GULP1: variants seen among roughly 807,000 people sequenced by gnomAD.
The protein encoded by GULP1 is GULP PTB domain containing engulfment adaptor 1.
Under a neutral mutation model 40.9 loss-of-function variants are expected in GULP1, and 19 were observed. The observed-to-expected ratio is 0.46, with a 90% CI of 0.32 to 0.68. GULP1 has a LOEUF of 0.68. GULP1 is among the 30% of genes least tolerant of loss of function. The probability of loss-of-function intolerance (pLI) is 0.03; values close to 1 mark genes in which losing one functional copy is unlikely to be tolerated. For missense variants in GULP1, 312 were observed against 362.2 expected (o/e 0.86, Z 1.12); for synonymous variants, 119 against 117.6 (o/e 1.01, Z -0.08).
intron 7 of GULP1, among the ~76,000 whole-genome samples, chr2:188,556,465 G>GT (rs1311746786): frequency 1.3e-5 from 2 of 151,520 alleles, no homozygotes; most frequent in Admixed American, 6.6e-5. Flanking sequence ...TCTTTTTATT[G>GT]TTTTTCAGAT....
chr2:188,410,606 A>G (rs2053739387), intron 2 of GULP1, among the ~76,000 whole-genome samples: 1 of 152,190 alleles, frequency 6.6e-6, no homozygotes, highest in African/African-American at 2.4e-5. Flanking sequence ...TTTCCTCATG[A>G]CTAATCATGA....
intron 7 of GULP1, among the ~76,000 whole-genome samples, chr2:188,558,912 G>A (rs766822267): frequency 6.6e-6 from 1 of 152,144 alleles, no homozygotes; most frequent in Non-Finnish European, 1.5e-5. Flanking sequence ...CATTCAAGAA[G>A]TGACTTGGGT....
chr2:188,297,432 T>C, intron 1 of GULP1: 1 of 455,244 alleles, frequency 2.2e-6, no homozygotes, highest in Non-Finnish European at 4.5e-6. Context: ...TGTAGTGTTT[T>C]CCTGGTATGG....
chr2:188,401,031 G>GT (rs1201305499), intron 2 of GULP1, among the ~76,000 whole-genome samples: 2 of 151,726 alleles, frequency 1.3e-5, no homozygotes, highest in Non-Finnish European at 2.9e-5. Flanking sequence ...TTTGGTTGCT[G>GT]TGAGACTTCC....
chr2:188,514,452 A>AAAAAAT (rs1162020347), intron 4 of GULP1, among the ~76,000 whole-genome samples: 2 of 152,274 alleles, frequency 1.3e-5, no homozygotes, highest in African/African-American at 4.8e-5. Flanking sequence ...TATTGTACAG[A>AAAAAAT]AAAAATAAAT....
intron 1 of GULP1, among the ~76,000 whole-genome samples, chr2:188,354,415 C>G (rs1354084587): frequency 6.6e-6 from 1 of 152,148 alleles, no homozygotes; most frequent in African/African-American, 2.4e-5. Flanking sequence ...CAACCAAATT[C>G]CCTTGGTCTG....
chr2:188,498,048 T>C (rs1005605573), intron 4 of GULP1, among the ~76,000 whole-genome samples: 4 of 151,934 alleles, frequency 2.6e-5, no homozygotes, highest in Non-Finnish European at 4.4e-5. Context: ...CATTGGCACC[T>C]TGACTTATAC....
At chr2:188,325,376 T>C (rs1360343731) in intron 1 of GULP1, among the ~76,000 whole-genome samples, 1 of 152,086 alleles carries the variant, frequency 6.6e-6, no homozygotes, top group African/African-American at 2.4e-5. Context: ...AAAATTTTGC[T>C]GTTGTTACTT....
At chr2:188,542,807 A>G (rs1363584257) in intron 7 of GULP1, among the ~76,000 whole-genome samples, 1 of 152,132 alleles carries the variant, frequency 6.6e-6, no homozygotes. Flanking sequence ...TATGACTGAG[A>G]AGATTAAAGT....
At chr2:188,350,546 G>T (rs1014123293) in intron 1 of GULP1, among the ~76,000 whole-genome samples, 1 of 151,764 alleles carries the variant, frequency 6.6e-6, no homozygotes, top group Admixed American at 6.6e-5. Flanking sequence ...TACTGAACTC[G>T]TTTATTAGTT....
chr2:188,323,482 A>C (rs2040291646), intron 1 of GULP1, among the ~76,000 whole-genome samples: 1 of 152,042 alleles, frequency 6.6e-6, no homozygotes, highest in African/African-American at 2.4e-5. Context: ...ATAACCACTT[A>C]TTCATGAAGG....
chr2:188,589,907 ATTT>A (rs1703171196), intron 11 of GULP1: 2 of 405,900 alleles, frequency 4.9e-6, no homozygotes, highest in Non-Finnish European at 8.8e-6. Context: ...TATAAACCAC[ATTT>A]TAAGATTATT....
At chr2:188,589,633 T>C (rs62181296) in intron 11 of GULP1, 22,973 of 531,260 alleles carry the variant, frequency 0.043, 636 homozygotes, top group Non-Finnish European at 0.058. Flanking sequence ...ATTGGGATGA[T>C]TGAGTGATGG....
intron 2 of GULP1, among the ~76,000 whole-genome samples, chr2:188,463,147 C>T (rs2059846046): frequency 6.6e-6 from 1 of 152,126 alleles, no homozygotes; most frequent in African/African-American, 2.4e-5. Context: ...TGCTCATTAA[C>T]ATACTTTTCT....
chr2:188,463,739 T>C (rs946097033), intron 2 of GULP1, among the ~76,000 whole-genome samples: 19 of 152,114 alleles, frequency 1.2e-4, no homozygotes, highest in African/African-American at 4.6e-4. Flanking sequence ...AAATAGCCTG[T>C]CTTCAAGCCC....
intron 5 of GULP1, among the ~76,000 whole-genome samples, chr2:188,524,056 G>A (rs919943308): frequency 6.6e-6 from 1 of 152,156 alleles, no homozygotes; most frequent in African/African-American, 2.4e-5. Context: ...GGACACATTA[G>A]AATAGGATTC....
chr2:188,489,627 C>T (rs1259727571), intron 4 of GULP1, among the ~76,000 whole-genome samples: 1 of 151,786 alleles, frequency 6.6e-6, no homozygotes, highest in East Asian at 1.9e-4. Flanking sequence ...ATAATATATA[C>T]TATAATATGT....
intron 6 of GULP1, among the ~76,000 whole-genome samples, chr2:188,534,203 A>G (rs1426959446): frequency 6.6e-6 from 1 of 152,206 alleles, no homozygotes; most frequent in African/African-American, 2.4e-5. Flanking sequence ...TCATCGCAGC[A>G]CTTTTCACAA....
At chr2:188,483,296 G>A (rs757039597) in intron 3 of GULP1, 135 bp from the exon 4 acceptor site, 1 of 441,930 alleles carries the variant, frequency 2.3e-6, no homozygotes, top group Non-Finnish European at 4.2e-6. Flanking sequence ...CTATCTGAGT[G>A]GTTATTCTTT....
Sources: allele counts gnomAD v4.1 joint callset (sites outside exome capture counted in the v4.1 genomes callset), GRCh38; gene constraint gnomAD v4.1.1; transcripts MANE v1.5; gene names NCBI Gene and HGNC (gene_info 2026-07-23, HGNC 2026-07-21).